RNF213: variants seen among roughly 807,000 people sequenced by gnomAD.
The protein encoded by RNF213 is E3 ubiquitin-protein ligase RNF213.
Under a neutral mutation model 514.4 loss-of-function variants are expected in RNF213, and 341 were observed. The observed-to-expected ratio is 0.66, with a 90% CI of 0.61 to 0.73. The LOEUF (loss-of-function observed/expected upper bound fraction) is 0.73, where lower values mean the gene tolerates loss of function less well. RNF213 is among the 30% of genes least tolerant of loss of function. The pLI is 0.00. For missense variants in RNF213, 5,767 were observed against 6,615.6 expected (o/e 0.87, Z 4.45); for synonymous variants, 2,655 against 2,658.2 (o/e 1.00, Z 0.04).
At chr17:80,277,588 T>A (rs1482710359) in intron 3 of RNF213, among the ~76,000 whole-genome samples, 1 of 117,164 alleles carries the variant, frequency 8.5e-6, no homozygotes, top group Non-Finnish European at 1.6e-5. Context: ...ACAGTGAGAC[T>A]CTGTCTCAAA....
intron 57 of RNF213, 51 bp downstream of exon 57, chr17:80,381,778 G>A (rs377401369): frequency 1.7e-5 from 26 of 1,551,986 alleles, no homozygotes; most frequent in East Asian, 1.6e-4. Flanking sequence ...CAACGGCAGC[G>A]CAAGCAGGCT....
intron 13 of RNF213, among the ~76,000 whole-genome samples, chr17:80,307,635 T>C (rs2045415529): frequency 6.6e-6 from 1 of 151,152 alleles, no homozygotes; most frequent in South Asian, 2.1e-4. Flanking sequence ...CTGCAACCTC[T>C]GCTTCCCAGG....
rs2080619833 is a variant in RNF213 at position 80,394,960 on chromosome 17, T to A, written c.*1462T>A. ...CGGGTGTGGGGGCCGGGGGCTGGCT[T>A]GCTGAAGTCTTCAACTTGCACTCGG... On this transcript the variant is annotated 3_prime_UTR_variant, in exon 68 of 68. Transcript: ENST00000582970. The A allele has an allele frequency of 6.6e-6, 1 of 152,162 alleles. No individual in the cohort carries two copies. Among genetic ancestry groups the A allele is most frequent in the South Asian group, 2.1e-4 (1 of 4,806 alleles). 9.4% of individuals were successfully genotyped at this position (152,162 alleles called of 1,614,324 possible).
chr17:80,381,179 C>T (rs72851480), intron 56 of RNF213, 192 bp downstream of exon 56: 19,922 of 671,004 alleles, frequency 0.03, 403 homozygotes, highest in Middle Eastern at 0.058. Context: ...GGAACTACTC[C>T]CCAGATTATA....
In RNF213 at chr17:80,347,195, C is replaced by T. The variant is rs1348183317; in HGVS notation, c.8860C>T (p.Arg2954Cys). ...KRQDKEFFGL[R>C]DYYSLIKMVF... ...CCAGGACAAGGAATTCTTCGGGCTTCGTGACTACTACAGCCTCATCAAAAT... is the reference window on the plus strand; with the variant it reads ...CCAGGACAAGGAATTCTTCGGGCTTTGTGACTACTACAGCCTCATCAAAAT... Residue 2954 changes from arginine (R) to cysteine (C), a missense_variant, in exon 29 of 68, where the codon CGT becomes TGT. Around this residue, in one of 13 missense-constraint regions of RNF213, gnomAD observed 919 missense variants for 1,121.0 expected, o/e 0.82. Transcript: ENST00000582970. This position sits in a 1 kb window ranked among gnomAD's most constrained non-coding sequence, Gnocchi z 7.2. The T allele has an allele frequency of 9.3e-6, 15 of 1,613,694 alleles. No homozygotes were observed. Among genetic ancestry groups the T allele is most frequent in the South Asian group, 1.1e-5 (1 of 91,000 alleles).
Position 80,374,869 on chromosome 17 carries a change from G to A in RNF213, c.13074+280G>A, listed in dbSNP as rs554104895. On this transcript the variant is annotated intron_variant, in intron 50 of 67. Coordinates refer to ENST00000582970, the MANE Select transcript of RNF213 (RefSeq NM_001256071.3). ...CCATCAGCAGCGCCTTTTGATTTAT[G>A]CCCATTACTTCCTTTGAGACCCTGC... 2.2e-3 allele frequency: 981 copies of A among 448,880 alleles called. 3 individuals are homozygous for A. The highest frequency in any genetic ancestry group is 5.2e-3 in the Middle Eastern group (8 of 1,544). 27.8% of individuals were successfully genotyped at this position (448,880 alleles called of 1,614,324 possible). A position where few individuals can be genotyped will look rare whatever the true frequency, so the allele number is the denominator to read the frequency against.
intron 25 of RNF213, 34 bp downstream of exon 25, chr17:80,338,031 G>C (rs774463073): frequency 6.5e-7 from 1 of 1,537,052 alleles, no homozygotes; most frequent in Non-Finnish European, 8.7e-7. Flanking sequence ...CGCTAAGCTG[G>C]TGGTGTCATC....
Position 80,287,943 on chromosome 17 carries a change from C to G in RNF213, c.390C>G (p.Asp130Glu). 6.4e-7 allele frequency: 1 copy of G among 1,569,540 alleles called. No individual in the cohort carries two copies. Residue 130 changes from aspartate (D) to glutamate (E), a missense_variant, in exon 4 of 68, where the codon GAC becomes GAG. Physicochemically the swap from Asp to Glu is conservative, Grantham distance 45. This residue lies in a region of RNF213 where 509 missense variants were observed against 496.7 expected (regional missense o/e 1.02). Transcript: ENST00000582970. Reference protein sequence around the residue: ...LTLLSNPWPQDTALPHSQAQQ... With the variant: ...LTLLSNPWPQETALPHSQAQQ... Reference sequence around the variant, plus strand: ...TGCTTTCAAACCCGTGGCCTCAGGACACAGCCCTGCCCCACAGCCAAGCCC... The same window carrying G: ...TGCTTTCAAACCCGTGGCCTCAGGAGACAGCCCTGCCCCACAGCCAAGCCC...
chr17:80,273,530 G>A (rs567206979), intron 3 of RNF213, 126 bp downstream of exon 3: 3 of 1,257,112 alleles, frequency 2.4e-6, no homozygotes, highest in South Asian at 1.3e-5. Flanking sequence ...TGCCCACAGG[G>A]CAGCAGCAGA....
rs373243959 is a variant in RNF213, at chr17:80,288,453, G to T, written c.810+90G>T. ...AAGGTGCTGGCGTTGCTTCCCTGCC[G>T]GGGGGAGGGGCGTCCTCTGGGCCCT... On this transcript the variant is annotated intron_variant, in intron 4 of 67. Coordinates refer to ENST00000582970, the MANE Select transcript of RNF213 (RefSeq NM_001256071.3). The surrounding 1 kb of genome is among the most constrained non-coding windows in gnomAD (Gnocchi z 4.9). 14 of 1,590,808 alleles carry T rather than the reference G, an allele frequency of 8.8e-6. No homozygotes were observed. In the African/African-American group the frequency reaches 1.1e-4, roughly 12 times the overall value.
chr17:80,366,945 C>T (rs752158108), intron 42 of RNF213, among the ~76,000 whole-genome samples: 2 of 152,202 alleles, frequency 1.3e-5, no homozygotes, highest in African/African-American at 2.4e-5. Context: ...TGCCTAAAAA[C>T]CAGTGTTTCC....
At position 80,288,514 on chromosome 17, in the gene RNF213, C is replaced by G; in HGVS notation, c.811-119C>G. 6.2e-7 allele frequency: 1 copy of G among 1,601,984 alleles called. No homozygotes were observed. Among genetic ancestry groups the G allele is most frequent in the South Asian group, 1.1e-5 (1 of 90,622 alleles). On this transcript the variant is annotated intron_variant, in intron 4 of 67. Transcript: ENST00000582970. The surrounding 1 kb of genome is among the most constrained non-coding windows in gnomAD (Gnocchi z 4.9). ...TGGGAGTCGGAGGGCTGCCCCTCCA[C>G]TGGGGATGCCAGCCCACCCTGTCCC... is the stretch of plus-strand genomic sequence containing the variant.
intron 2 of RNF213, among the ~76,000 whole-genome samples, chr17:80,267,224 A>G (rs547324503): frequency 4.6e-5 from 7 of 151,768 alleles, no homozygotes; most frequent in Non-Finnish European, 1.0e-4. Flanking sequence ...TCTCAAAAAA[A>G]AAAAAGAAAA....
Position 80,386,894 on chromosome 17 carries a change from AG to A in RNF213, c.14922+6del, listed in dbSNP as rs753062940. On this transcript the variant is annotated splice_donor_region_variant and intron_variant, in intron 63 of 67. Coordinates refer to ENST00000582970, the MANE Select transcript of RNF213 (RefSeq NM_001256071.3). Reference sequence around the variant, plus strand: ...GCAAGCCCCGGCTGAGCCTCAAGGTAGGGCTGACTCCTGCCACTGCTGCTCA... The same window carrying A: ...GCAAGCCCCGGCTGAGCCTCAAGGTAGGCTGACTCCTGCCACTGCTGCTCA... The A allele has an allele frequency of 4.4e-6, 7 of 1,608,696 alleles. No homozygotes were observed. The highest frequency in any genetic ancestry group is 5.9e-6 in the Non-Finnish European group (7 of 1,178,138).
At position 80,288,487 on chromosome 17, in the gene RNF213, G is replaced by A; in HGVS notation, c.810+124G>A. On this transcript the variant is annotated intron_variant, in intron 4 of 67. Transcript: ENST00000582970. This position sits in a 1 kb window ranked among gnomAD's most constrained non-coding sequence, Gnocchi z 4.9. ...GGCGTCCTCTGGGCCCTGCTCCCTG[G>A]GTGGGAGTCGGAGGGCTGCCCCTCC... 1 of 1,593,408 alleles carries A rather than the reference G, an allele frequency of 6.3e-7. No homozygotes were observed. Among genetic ancestry groups the A allele is most frequent in the Non-Finnish European group, 8.6e-7 (1 of 1,166,038 alleles).
chr17:80,367,398 A>G (rs1210118620), intron 42 of RNF213, among the ~76,000 whole-genome samples: 2 of 152,246 alleles, frequency 1.3e-5, no homozygotes, highest in South Asian at 2.1e-4. Context: ...AAATGATCTA[A>G]AGCAAATATT....
rs1038188871 is a variant in RNF213 at position 80,273,396 on chromosome 17, G to A, written c.253G>A (p.Val85Ile). The A allele has an allele frequency of 9.3e-6, 15 of 1,612,464 alleles. No individual in the cohort carries two copies. Among genetic ancestry groups the A allele is most frequent in the African/African-American group, 6.7e-5 (5 of 74,836 alleles). Residue 85 changes from valine to isoleucine, a missense_variant, in exon 3 of 68, where the codon GTC becomes ATC. Val to Ile is a conservative substitution (Grantham distance 29). Transcript: ENST00000582970. ...GCCCTGTTCCAAAGCCTCCTGGACC[G>A]TCCAAGAAGTGAGTGCACTGCCTCG... ...EEPCSKASWTVQESKKKKRKK... is the reference protein window; with the variant it reads ...EEPCSKASWTIQESKKKKRKK...
Position 80,309,164 on chromosome 17 carries a change from C to T in RNF213, c.2648C>T (p.Ser883Phe). 6.2e-7 allele frequency: 1 copy of T among 1,614,210 alleles called. No homozygotes were observed. Among genetic ancestry groups the T allele is most frequent in the Non-Finnish European group, 8.5e-7 (1 of 1,180,046 alleles). ...GTCTGCAGAATGATTAGACTTCTAT[C>T]TCTGGTGGTAAGTGGAGTCAACACA... ...EIVCRMIRLLSLVDSAGQRDE... is the reference protein window; with the variant it reads ...EIVCRMIRLLFLVDSAGQRDE... Residue 883 changes from serine (S) to phenylalanine (F), a missense_variant, in exon 14 of 68, where the codon TCT becomes TTT. By Grantham distance (155) the Ser-to-Phe change is radical. Around this residue, in one of 13 missense-constraint regions of RNF213, gnomAD observed 592 missense variants for 673.9 expected, o/e 0.88. Transcript: ENST00000582970.
chr17:80,349,691 G>A, intron 29 of RNF213, 79 bp from the exon 30 acceptor site: 1 of 1,477,962 alleles, frequency 6.8e-7, no homozygotes, highest in Non-Finnish European at 9.5e-7. Flanking sequence ...CAGGTTTCTA[G>A]GATCTGTCTA....
Sources: allele counts gnomAD v4.1 joint callset (sites outside exome capture counted in the v4.1 genomes callset), GRCh38; gene constraint gnomAD v4.1.1; regional missense constraint gnomAD v4.1.1; non-coding constraint Gnocchi (gnomAD v3.1); transcripts MANE v1.5; gene names NCBI Gene and HGNC (gene_info 2026-07-23, HGNC 2026-07-21).